L2HGDH: variants seen among roughly 807,000 people sequenced by gnomAD.
L2HGDH encodes the protein L-2-hydroxyglutarate dehydrogenase, also known as L-2-hydroxyglutarate dehydrogenase, mitochondrial.
L2HGDH carries 34 observed loss-of-function variants against 51.5 expected under a neutral mutation model. The observed-to-expected ratio is 0.66, with a 90% CI of 0.50 to 0.88. The LOEUF is 0.88. Among genes scored for constraint, L2HGDH ranks in the 40% least tolerant of loss-of-function variants. The pLI, the probability that L2HGDH is intolerant of heterozygous loss-of-function variation, is 0.00. For synonymous variants in L2HGDH, 198 were observed against 197.9 expected, an observed-to-expected ratio of 1.00 and a Z score of -0.01; for missense variants, 558 against 571.9, an observed-to-expected ratio of 0.98 and a Z score of 0.25.
rs1403658578 is a variant in L2HGDH at position 50,294,222 on chromosome 14, C to T, written c.433G>A (p.Glu145Lys). 5.0e-6 allele frequency: 8 copies of T among 1,612,516 alleles called. No individual in the cohort carries two copies. Among genetic ancestry groups the T allele is most frequent in the Non-Finnish European group, 6.8e-6 (8 of 1,179,668 alleles). The change falls in exon 4 of 10, where the codon GAA (glutamate) becomes AAA (lysine). Residue 145 changes from glutamate (E) to lysine (K), a missense_variant. Around this residue, in one of 3 missense-constraint regions of L2HGDH, gnomAD observed 194 missense variants for 187.2 expected, o/e 1.04. Transcript: ENST00000267436. ...TATAGGGCCTGAAGTCTGGGAATTTCTTCTTGTTCAACAGCTACTATAAGC... is the reference window on the plus strand; with the variant it reads ...TATAGGGCCTGAAGTCTGGGAATTTTTTCTTGTTCAACAGCTACTATAAGC... ...GKLIVAVEQEEIPRLQALYEK... is the reference protein window; with the variant it reads ...GKLIVAVEQEKIPRLQALYEK...
chr14:50,299,949 G>A (rs1052730578), intron 3 of L2HGDH: 1 of 152,390 alleles, frequency 6.6e-6, no homozygotes, highest in Non-Finnish European at 1.5e-5. Context: ...TATCTTAGGT[G>A]AAATAAACCA....
chr14:50,310,746 T>C (rs935060914), intron 1 of L2HGDH, among the ~76,000 whole-genome samples: 7 of 151,898 alleles, frequency 4.6e-5, no homozygotes, highest in African/African-American at 1.2e-4. Flanking sequence ...AACAAAACTT[T>C]CACTAGCCCT....
chr14:50,300,108 C>T (rs1412233720), intron 3 of L2HGDH, among the ~76,000 whole-genome samples: 2 of 151,958 alleles, frequency 1.3e-5, no homozygotes, highest in Non-Finnish European at 2.9e-5. Context: ...TGTTAAAGGA[C>T]ACAAAATTTC....
chr14:50,287,345 A>C, intron 4 of L2HGDH: 1 of 981,834 alleles, frequency 1.0e-6, no homozygotes, highest in Non-Finnish European at 1.2e-6. Flanking sequence ...GATACACAAC[A>C]GGCAACAATC....
intron 4 of L2HGDH, among the ~76,000 whole-genome samples, chr14:50,291,774 C>T (rs1401803622): frequency 6.6e-6 from 1 of 151,986 alleles, no homozygotes; most frequent in African/African-American, 2.4e-5. Flanking sequence ...AAGGATGAAG[C>T]AGCTTGTAAA....
intron 4 of L2HGDH, among the ~76,000 whole-genome samples, chr14:50,293,001 A>G (rs757638537): frequency 2.6e-5 from 4 of 152,282 alleles, no homozygotes; most frequent in Middle Eastern, 6.8e-3. Flanking sequence ...AGACCAGCCT[A>G]GGCAATATGG....
chr14:50,304,384 A>C (rs768354049), intron 1 of L2HGDH, among the ~76,000 whole-genome samples: 7 of 152,244 alleles, frequency 4.6e-5, no homozygotes, highest in Non-Finnish European at 7.3e-5. Context: ...ATGTGTTAAC[A>C]CATTAAAGCT....
Position 50,312,204 on chromosome 14 carries a change from A to G in L2HGDH, c.-54T>C, listed in dbSNP as rs1237766235. The stretch of plus-strand genomic sequence containing the variant: ...CTCAGAAGAAGCCACTTGACCCTCC[A>G]CGGCCGAGGACCCGCGCTCTTTAGC... On this transcript the variant is annotated 5_prime_UTR_variant, in exon 1 of 10. Transcript: ENST00000267436. 13 of 1,596,102 alleles carry G rather than the reference A, an allele frequency of 8.1e-6. No homozygotes were observed. The highest frequency in any genetic ancestry group is 7.8e-5 in the South Asian group (7 of 89,488).
intron 1 of L2HGDH, among the ~76,000 whole-genome samples, chr14:50,306,352 T>C (rs2030726098): frequency 6.6e-6 from 1 of 151,978 alleles, no homozygotes; most frequent in African/African-American, 2.4e-5. Context: ...CCCAGCTGTA[T>C]TTTTTTAATT....
intron 3 of L2HGDH, among the ~76,000 whole-genome samples, chr14:50,295,432 G>T (rs913369862): frequency 6.6e-6 from 1 of 151,812 alleles, no homozygotes; most frequent in African/African-American, 2.4e-5. Flanking sequence ...TTGAGACAAG[G>T]TCTCACTCCC....
At chr14:50,275,876 G>A (rs905945831) in intron 6 of L2HGDH, among the ~76,000 whole-genome samples, 5 of 152,126 alleles carry the variant, frequency 3.3e-5, no homozygotes, top group Admixed American at 1.3e-4. Context: ...CCACAACTTC[G>A]CTATTATGAT....
At chr14:50,293,477 C>A (rs1198537694) in intron 4 of L2HGDH, among the ~76,000 whole-genome samples, 2 of 151,842 alleles carry the variant, frequency 1.3e-5, no homozygotes, top group African/African-American at 4.8e-5. Flanking sequence ...CTTACCAAGT[C>A]TTTGAATGCA....
intron 9 of L2HGDH, among the ~76,000 whole-genome samples, chr14:50,258,498 T>C (rs1036221270): frequency 5.3e-5 from 8 of 150,430 alleles, no homozygotes; most frequent in Non-Finnish European, 7.4e-5. Context: ...GCTGGGATTA[T>C]AGGTGTCAGC....
intron 5 of L2HGDH, among the ~76,000 whole-genome samples, chr14:50,280,055 G>A (rs760987660): frequency 6.7e-4 from 84 of 124,670 alleles, no homozygotes; most frequent in Non-Finnish European, 7.3e-4. Context: ...GTGAGACTCC[G>A]TCTCAAAAGA....
chr14:50,257,067 C>G (rs1888707577), intron 9 of L2HGDH, among the ~76,000 whole-genome samples: 1 of 152,102 alleles, frequency 6.6e-6, no homozygotes, highest in Admixed American at 6.6e-5. Context: ...TCCCAAGTAG[C>G]TGGGATTACA....
chr14:50,308,388 G>GAAAAAAAAAAA (rs71118865), intron 1 of L2HGDH, among the ~76,000 whole-genome samples: 1 of 131,522 alleles, frequency 7.6e-6, no homozygotes, highest in African/African-American at 2.7e-5. Flanking sequence ...CTCCATCTCA[G>GAAAAAAAAAAA]AAAAAAAAAA....
intron 9 of L2HGDH, among the ~76,000 whole-genome samples, chr14:50,255,566 A>G (rs1335749051): frequency 1.3e-5 from 2 of 151,514 alleles, no homozygotes; most frequent in Non-Finnish European, 2.9e-5. Flanking sequence ...AAAGAAAAAG[A>G]AAAGAAAATC....
intron 4 of L2HGDH, 43 bp from the exon 5 acceptor site, chr14:50,284,076 A>G (rs1215447634): frequency 6.4e-7 from 1 of 1,567,100 alleles, no homozygotes; most frequent in African/African-American, 1.4e-5. Context: ...GAGAAATAAT[A>G]CTTGCTAAAT....
Position 50,246,917 on chromosome 14 carries a change from T to G in L2HGDH, c.*141A>C, listed in dbSNP as rs1888035046. On this transcript the variant is annotated 3_prime_UTR_variant, in exon 10 of 10. Transcript: ENST00000267436. ...TTTGTAGAAAATTATTATTTCTATG[T>G]TACATCATTTTAACAATGCAGTGGT... 1 of 1,331,836 alleles carries G rather than the reference T, an allele frequency of 7.5e-7. No homozygotes were observed. Among genetic ancestry groups the G allele is most frequent in the South Asian group, 1.6e-5 (1 of 63,814 alleles). 82.5% of individuals were successfully genotyped at this position (1,331,836 alleles called of 1,614,324 possible). A position where few individuals can be genotyped will look rare whatever the true frequency, so the allele number is the denominator to read the frequency against.
Sources: allele counts gnomAD v4.1 joint callset (sites outside exome capture counted in the v4.1 genomes callset), GRCh38; gene constraint gnomAD v4.1.1; regional missense constraint gnomAD v4.1.1; transcripts MANE v1.5; gene names NCBI Gene and HGNC (gene_info 2026-07-23, HGNC 2026-07-21).